RNF185: variants seen among roughly 807,000 people sequenced by gnomAD.
RNF185 encodes E3 ubiquitin-protein ligase RNF185.
RNF185 carries 13 observed loss-of-function variants against 24.9 expected under a neutral mutation model. That is an observed-to-expected ratio of 0.52 (90% confidence interval 0.34 to 0.83). RNF185 has a LOEUF of 0.83. Among genes scored for constraint, RNF185 ranks in the 40% least tolerant of loss-of-function variants. RNF185 has a pLI of 0.01. For synonymous variants in RNF185, 79 were observed against 90.3 expected, an observed-to-expected ratio of 0.88 and a Z score of 0.71; for missense variants, 184 against 244.7, an observed-to-expected ratio of 0.75 and a Z score of 1.65.
Position 31,205,837 on chromosome 22 carries a change from A to C in RNF185, c.*1251A>C, listed in dbSNP as rs1238965464. The C allele has an allele frequency of 6.6e-6, 1 of 152,408 alleles. No homozygotes were observed. Among genetic ancestry groups the C allele is most frequent in the African/African-American group, 2.4e-5 (1 of 41,444 alleles). 9.4% of individuals were successfully genotyped at this position (152,408 alleles called of 1,614,324 possible). Reference sequence around the variant, plus strand: ...TGTGGTCTTCCCTCCTGTGGAATCGAGGGGAAATTATTCTTCCCAATACCT... The same window carrying C: ...TGTGGTCTTCCCTCCTGTGGAATCGCGGGGAAATTATTCTTCCCAATACCT... On this transcript the variant is annotated 3_prime_UTR_variant, in exon 7 of 7. Coordinates refer to ENST00000326132, the MANE Select transcript of RNF185 (RefSeq NM_152267.4).
At chr22:31,181,313 C>T (rs2048034232) in intron 1 of RNF185, among the ~76,000 whole-genome samples, 1 of 151,674 alleles carries the variant, frequency 6.6e-6, no homozygotes, top group African/African-American at 2.4e-5. Flanking sequence ...CACTGCACTC[C>T]AGCCTGGGCA....
chr22:31,188,360 C>T (rs1234889425), intron 2 of RNF185, among the ~76,000 whole-genome samples: 1 of 152,110 alleles, frequency 6.6e-6, no homozygotes, highest in Non-Finnish European at 1.5e-5. Flanking sequence ...GCCCTAATTA[C>T]CATCTTGTGT....
chr22:31,180,523 CT>C (rs11419917), intron 1 of RNF185, among the ~76,000 whole-genome samples: 371 of 142,564 alleles, frequency 2.6e-3, no homozygotes, highest in African/African-American at 4.9e-3. Context: ...TTGTTAAAGA[CT>C]TTTTTTTTTT....
intron 3 of RNF185, among the ~76,000 whole-genome samples, chr22:31,194,379 C>A (rs1374462649): frequency 6.6e-6 from 1 of 152,076 alleles, no homozygotes; most frequent in Admixed American, 6.6e-5. Context: ...AGAAAATGAT[C>A]AGCTTATCTC....
Position 31,196,958 on chromosome 22 carries a change from C to G in RNF185, c.331C>G (p.Gln111Glu). Residue 111 changes from glutamine (Q) to glutamate (E), a missense_variant, in exon 5 of 7, where the codon CAA (glutamine) becomes GAA (glutamate). Coordinates refer to ENST00000326132, the MANE Select transcript of RNF185 (RefSeq NM_152267.4). ...CAGAGAGAAGACCCCTCCTCGTCCT[C>G]AAGGACAGAGGCCAGAGCCGGAGAA... Reference protein sequence around the residue: ...DPREKTPPRPQGQRPEPENRG... With the variant: ...DPREKTPPRPEGQRPEPENRG... 1 of 1,612,624 alleles carries G rather than the reference C, an allele frequency of 6.2e-7. No individual in the cohort carries two copies. The highest frequency in any genetic ancestry group is 8.5e-7 in the Non-Finnish European group (1 of 1,179,484).
intron 1 of RNF185, among the ~76,000 whole-genome samples, chr22:31,172,744 G>A (rs372428805): frequency 2.1e-4 from 15 of 72,574 alleles, no homozygotes; most frequent in African/African-American, 8.3e-4. Flanking sequence ...GTGAGACCCC[G>A]TCTCAAAAAA....
intron 1 of RNF185, among the ~76,000 whole-genome samples, chr22:31,172,707 C>G (rs2047941851): frequency 6.8e-6 from 1 of 148,006 alleles, no homozygotes; most frequent in Non-Finnish European, 1.5e-5. Context: ...CAAGATCTTG[C>G]CACTACACTC....
At chr22:31,182,155 A>C (rs1343011428) in intron 1 of RNF185, among the ~76,000 whole-genome samples, 1 of 135,554 alleles carries the variant, frequency 7.4e-6, no homozygotes, top group Non-Finnish European at 1.5e-5. Flanking sequence ...TCTGTCACCC[A>C]GGCTGGAGTG....
At chr22:31,195,046 G>A (rs552463026) in intron 3 of RNF185, among the ~76,000 whole-genome samples, 6 of 151,800 alleles carry the variant, frequency 4.0e-5, no homozygotes, top group African/African-American at 7.3e-5. Context: ...TCCGCCTCCC[G>A]GGTTCAAGCG....
chr22:31,187,406 C>A, intron 2 of RNF185, 136 bp downstream of exon 2: 1 of 902,500 alleles, frequency 1.1e-6, no homozygotes, highest in Non-Finnish European at 1.7e-6. Flanking sequence ...GACCTGAGTT[C>A]CCATCCCAGC....
intron 1 of RNF185, among the ~76,000 whole-genome samples, chr22:31,174,847 A>G (rs1444600752): frequency 6.6e-6 from 1 of 151,984 alleles, no homozygotes; most frequent in Non-Finnish European, 1.5e-5. Context: ...AGGTGGGCGG[A>G]TCACCTGAGG....
intron 1 of RNF185, among the ~76,000 whole-genome samples, chr22:31,186,371 G>A (rs2147945748): frequency 6.6e-6 from 1 of 152,272 alleles, no homozygotes; most frequent in Middle Eastern, 3.4e-3. Context: ...GGAAACTGAG[G>A]CAGGTGGATC....
intron 2 of RNF185, among the ~76,000 whole-genome samples, chr22:31,188,782 A>G (rs932576834): frequency 4.6e-5 from 7 of 151,236 alleles, no homozygotes; most frequent in African/African-American, 1.7e-4. Flanking sequence ...GTATCACTGC[A>G]CTCCAGTCTA....
intron 1 of RNF185, among the ~76,000 whole-genome samples, chr22:31,181,235 C>T (rs1456469600): frequency 6.6e-6 from 1 of 151,214 alleles, no homozygotes; most frequent in Non-Finnish European, 1.5e-5. Context: ...GTCCTAGCTG[C>T]TTGGGAGGCT....
chr22:31,181,701 G>T (rs1279424235), intron 1 of RNF185, among the ~76,000 whole-genome samples: 1 of 152,104 alleles, frequency 6.6e-6, no homozygotes, highest in African/African-American at 2.4e-5. Context: ...CATGTCCTTT[G>T]TAGGGACGTG....
At position 31,206,672 on chromosome 22, in the gene RNF185, T is replaced by G. The variant is rs1253791140; in HGVS notation, c.*2086T>G. 6.6e-6 allele frequency: 1 copy of G among 152,458 alleles called. No individual in the cohort carries two copies. Among genetic ancestry groups the G allele is most frequent in the Non-Finnish European group, 1.5e-5 (1 of 68,230 alleles). The allele number at this position is 152,458 out of a possible 1,614,324, so 9.4% of individuals were successfully genotyped here. ...AAAGCCAGGCTGGCCAAATGCCATT[T>G]GATTTTGAACCTCGTAGGTCCCCAC... On this transcript the variant is annotated 3_prime_UTR_variant, in exon 7 of 7. Transcript: ENST00000326132.
At position 31,187,036 on chromosome 22, in the gene RNF185, C is replaced by A. The variant is rs753289762; in HGVS notation, c.-48-11C>A. On this transcript the variant is annotated splice_polypyrimidine_tract_variant and intron_variant, in intron 1 of 6. Coordinates refer to ENST00000326132, the MANE Select transcript of RNF185 (RefSeq NM_152267.4). ...GCAGAAATGGACAGTCAAGAGTTCT[C>A]TGCCTTTTAGGATTTCCCTGGGGAA... 3.8e-4 allele frequency: 585 copies of A among 1,548,018 alleles called. 1 individual carries two copies. Among genetic ancestry groups the A allele is most frequent in the Non-Finnish European group, 4.8e-4 (552 of 1,147,126 alleles).
At chr22:31,163,975 C>A (rs186617822) in intron 1 of RNF185, among the ~76,000 whole-genome samples, 1 of 145,502 alleles carries the variant, frequency 6.9e-6, no homozygotes, top group African/African-American at 2.5e-5. Context: ...TGCCTGGCCC[C>A]TTATTATTAT....
chr22:31,166,622 CCTTCTT>C (rs546569176), intron 1 of RNF185, among the ~76,000 whole-genome samples: 7 of 149,410 alleles, frequency 4.7e-5, no homozygotes, highest in East Asian at 2.0e-4. Context: ...TCCTCCTCCT[CCTTCTT>C]CTTCTTCTTC....
Sources: gnomAD v4.1 joint callset for allele counts (sites outside exome capture counted in the v4.1 genomes callset) on GRCh38, gnomAD v4.1.1 for gene constraint, MANE v1.5 for transcripts, NCBI Gene and HGNC (gene_info 2026-07-23, HGNC 2026-07-21) for gene names.